The following IL1RAPL1 variants were observed in gnomAD, a reference collection of about 807,000 sequenced individuals.
IL1RAPL1 encodes interleukin-1 receptor accessory protein-like 1.
IL1RAPL1 carries 3 observed loss-of-function variants against 48.4 expected under a neutral mutation model. The observed-to-expected ratio is 0.06, with a 90% CI of 0.03 to 0.16. The LOEUF is 0.16. IL1RAPL1 is among the 10% of genes least tolerant of loss of function. IL1RAPL1 has a pLI of 1.00. For missense variants in IL1RAPL1, 349 were observed against 530.6 expected, an observed-to-expected ratio of 0.66 and a Z score of 3.36; for synonymous variants, 185 against 187.7, an observed-to-expected ratio of 0.99 and a Z score of 0.12.
intron 5 of IL1RAPL1, among the ~76,000 whole-genome samples, chrX:29,525,774 G>A (rs1157928161): frequency 1.8e-5 from 2 of 111,795 alleles, no homozygotes; most frequent in Non-Finnish European, 3.8e-5. Context: ...AAAAGAGATG[G>A]AGGAAAGGGT....
intron 6 of IL1RAPL1, among the ~76,000 whole-genome samples, chrX:29,772,660 A>G (rs942566409): frequency 8.9e-6 from 1 of 112,431 alleles, no homozygotes; most frequent in East Asian, 2.8e-4. Context: ...TTTGTACAAG[A>G]CAATGGGTAG....
intron 6 of IL1RAPL1, among the ~76,000 whole-genome samples, chrX:29,841,448 T>A (rs1402368803): frequency 1.8e-5 from 2 of 111,561 alleles, no homozygotes; most frequent in Non-Finnish European, 3.8e-5. Context: ...AAGCTGAGCA[T>A]GTAAAAAGGC....
At chrX:29,350,188 A>ATT (rs1185266410) in intron 3 of IL1RAPL1, among the ~76,000 whole-genome samples, 2 of 32,449 alleles carry the variant, frequency 6.2e-5, no homozygotes, top group South Asian at 2.1e-3. Context: ...ACATACTGTT[A>ATT]TTTTATATAT....
chrX:28,936,878 A>G (rs148243203), intron 2 of IL1RAPL1, among the ~76,000 whole-genome samples: 1,516 of 111,360 alleles, frequency 0.014, 20 homozygotes, highest in African/African-American at 0.047. Flanking sequence ...TCTCTAATAC[A>G]AATTTTCAGA....
chrX:29,139,719 G>A (rs1038099675), intron 2 of IL1RAPL1, among the ~76,000 whole-genome samples: 1 of 111,318 alleles, frequency 9.0e-6, no homozygotes, highest in Admixed American at 9.7e-5. Flanking sequence ...GCAAGGCATA[G>A]GGAAAAGAGC....
intron 5 of IL1RAPL1, among the ~76,000 whole-genome samples, chrX:29,584,024 G>T (rs1923072232): frequency 9.0e-6 from 1 of 111,263 alleles, no homozygotes; most frequent in Admixed American, 9.6e-5. Flanking sequence ...TTGCTCCTCT[G>T]GCACTGGTCC....
intron 1 of IL1RAPL1, among the ~76,000 whole-genome samples, chrX:28,742,431 A>T (rs1378771136): frequency 9.0e-6 from 1 of 111,412 alleles, no homozygotes; most frequent in Non-Finnish European, 1.9e-5. Context: ...CAAAGATGAA[A>T]ATGTATTTTC....
intron 2 of IL1RAPL1, among the ~76,000 whole-genome samples, chrX:28,892,074 TATTATTGA>T (rs765837074): frequency 2.7e-5 from 3 of 111,403 alleles, no homozygotes; most frequent in Non-Finnish European, 5.6e-5. Flanking sequence ...TTTTCTGTGC[TATTATTGA>T]ATTATAAGAG....
At chrX:29,023,969 A>G (rs966429313) in intron 2 of IL1RAPL1, among the ~76,000 whole-genome samples, 1 of 111,974 alleles carries the variant, frequency 8.9e-6, no homozygotes, top group Non-Finnish European at 1.9e-5. Flanking sequence ...GTGAAACTCT[A>G]GGAGATATAA....
chrX:29,177,996 A>G (rs758777341), intron 2 of IL1RAPL1, among the ~76,000 whole-genome samples: 2 of 111,825 alleles, frequency 1.8e-5, no homozygotes, highest in African/African-American at 6.5e-5. Flanking sequence ...TCTATCATTG[A>G]TGGACATTTG....
At chrX:28,641,856 G>A (rs746099820) in intron 1 of IL1RAPL1, among the ~76,000 whole-genome samples, 19 of 110,665 alleles carry the variant, frequency 1.7e-4, no homozygotes, top group South Asian at 3.9e-4. Flanking sequence ...CTTATTGGCC[G>A]CGTAAATGTC....
intron 6 of IL1RAPL1, among the ~76,000 whole-genome samples, chrX:29,763,820 A>G (rs1314724629): frequency 1.8e-5 from 2 of 110,191 alleles, no homozygotes; most frequent in Non-Finnish European, 3.8e-5. Context: ...CCCTCAGATT[A>G]ATAGTATATA....
chrX:29,121,198 C>G (rs1293186105), intron 2 of IL1RAPL1, among the ~76,000 whole-genome samples: 1 of 111,980 alleles, frequency 8.9e-6, no homozygotes, highest in Non-Finnish European at 1.9e-5. Context: ...TGACTCCACT[C>G]ACCACTGCTT....
At chrX:28,605,977 G>A (rs895985397) in intron 1 of IL1RAPL1, among the ~76,000 whole-genome samples, 3 of 110,324 alleles carry the variant, frequency 2.7e-5, no homozygotes, top group South Asian at 3.9e-4. Context: ...GACCTACCCC[G>A]ACCACACCCT....
At chrX:29,909,217 A>G (rs1385167087) in intron 6 of IL1RAPL1, among the ~76,000 whole-genome samples, 1 of 111,103 alleles carries the variant, frequency 9.0e-6, no homozygotes, top group East Asian at 2.8e-4. Context: ...TCTATTTAAA[A>G]ATAAAATAAA....
At chrX:29,332,647 TA>T (rs1286758252) in intron 3 of IL1RAPL1, among the ~76,000 whole-genome samples, 210 of 98,501 alleles carry the variant, frequency 2.1e-3, no homozygotes, top group African/African-American at 3.1e-3. Context: ...TTTATTTATT[TA>T]TTTTATTTTT....
intron 2 of IL1RAPL1, among the ~76,000 whole-genome samples, chrX:29,064,168 G>A (rs1927400405): frequency 8.9e-6 from 1 of 112,007 alleles, no homozygotes; most frequent in South Asian, 3.7e-4. Context: ...TTGCCAGTCA[G>A]GATTGATCCA....
Position 28,754,020 on chromosome X carries a change from C to G in IL1RAPL1, c.-24-35300C>G, listed in dbSNP as rs73533999. Among the ~76,000 whole-genome samples, 472 of 106,452 alleles carry G rather than the reference C, an allele frequency of 4.4e-3. 4 individuals carry two copies. The highest frequency in any genetic ancestry group is 0.015 in the African/African-American group (438 of 28,923). 92.4% of individuals were successfully genotyped at this position (106,452 alleles called of 115,157 possible). On this transcript the variant is annotated intron_variant, in intron 1 of 10. Transcript: ENST00000378993. ...TCAAGTATTATTTCTTATCAGCTAT[C>G]ATCAGCTATTTCTTCTTCAGCATCA...
At chrX:28,921,717 G>T (rs1439496371) in intron 2 of IL1RAPL1, among the ~76,000 whole-genome samples, 1 of 112,200 alleles carries the variant, frequency 8.9e-6, no homozygotes, top group Non-Finnish European at 1.9e-5. Context: ...AGCATATTTG[G>T]ATTCACACTG....
Sources: allele counts gnomAD v4.1 joint callset (sites outside exome capture counted in the v4.1 genomes callset), GRCh38; gene constraint gnomAD v4.1.1; transcripts MANE v1.5; gene names NCBI Gene and HGNC (gene_info 2026-07-23, HGNC 2026-07-21).